Variants in C14orf132 observed in about 807,000 individuals in gnomAD.
C14orf132 encodes chromosome 14 open reading frame 132, also known as uncharacterized protein C14orf132.
In C14orf132, 6 loss-of-function variants were observed where a neutral mutation model predicts 5.8. That is an observed-to-expected ratio of 1.03 (90% CI 0.57 to 2.04). C14orf132 has a LOEUF of 2.04. Ranked by LOEUF, C14orf132 falls within the 30% of genes most tolerant of loss-of-function variation. The probability of loss-of-function intolerance (pLI) is 0.00; values close to 1 mark genes in which losing one functional copy is unlikely to be tolerated. For synonymous variants in C14orf132, 51 were observed against 49.8 expected, an observed-to-expected ratio of 1.02 and a Z score of -0.10; for missense variants, 125 against 115.8, an observed-to-expected ratio of 1.08 and a Z score of -0.37.
chr14:96,057,588 C>T (rs1887219890), intron 1 of C14orf132, among the ~76,000 whole-genome samples: 1 of 152,166 alleles, frequency 6.6e-6, no homozygotes, highest in Non-Finnish European at 1.5e-5. Flanking sequence ...ACCCCAGTGG[C>T]ACACAGGGTG....
chr14:96,077,429 G>C (rs921600515), intron 1 of C14orf132, among the ~76,000 whole-genome samples: 1 of 152,138 alleles, frequency 6.6e-6, no homozygotes, highest in Admixed American at 6.5e-5. Flanking sequence ...TTAAAATGAG[G>C]TCACTAGGAT....
At chr14:96,071,041 T>C (rs1887693504) in intron 1 of C14orf132, among the ~76,000 whole-genome samples, 1 of 152,168 alleles carries the variant, frequency 6.6e-6, no homozygotes, top group Non-Finnish European at 1.5e-5. Flanking sequence ...TCCATTATCA[T>C]GATGCTAATA....
At position 96,093,289 on chromosome 14, in the gene C14orf132, C is replaced by T. The variant is rs1442608391; in HGVS notation, c.*6554C>T. The stretch of plus-strand genomic sequence containing the variant: ...ATGGGAGTGTGGGGCTGAACTTTTC[C>T]CTACCCTTAACTTTGTGTCTCTGGG... On this transcript the variant is annotated 3_prime_UTR_variant, in exon 2 of 2. Coordinates refer to ENST00000555004, the MANE Select transcript of C14orf132 (RefSeq NM_001252507.3). The T allele has an allele frequency of 6.6e-6, 1 of 152,158 alleles. No homozygotes were observed. Among genetic ancestry groups the T allele is most frequent in the Non-Finnish European group, 1.5e-5 (1 of 68,036 alleles). 9.4% of individuals were successfully genotyped at this position (152,158 alleles called of 1,614,324 possible).
chr14:96,074,734 A>G (rs545485937), intron 1 of C14orf132, among the ~76,000 whole-genome samples: 1 of 152,330 alleles, frequency 6.6e-6, no homozygotes, highest in East Asian at 1.9e-4. Context: ...TTAATTGGCC[A>G]TATTATGTGC....
At chr14:96,071,012 C>A (rs141501632) in intron 1 of C14orf132, among the ~76,000 whole-genome samples, 7 of 152,248 alleles carry the variant, frequency 4.6e-5, no homozygotes, top group Non-Finnish European at 1.0e-4. Context: ...GAAGCAACAT[C>A]CAATGAGGTT....
chr14:96,076,329 C>T (rs996435533), intron 1 of C14orf132, among the ~76,000 whole-genome samples: 1 of 152,132 alleles, frequency 6.6e-6, no homozygotes, highest in Non-Finnish European at 1.5e-5. Context: ...CTCAGCCTGG[C>T]GAGAGGTTTA....
At chr14:96,068,000 T>C (rs1887583084) in intron 1 of C14orf132, among the ~76,000 whole-genome samples, 1 of 152,210 alleles carries the variant, frequency 6.6e-6, no homozygotes, top group Admixed American at 6.5e-5. Flanking sequence ...GCCTGTAACG[T>C]GCTCAGCCCA....
At chr14:96,040,231 T>C (rs1275511855) in intron 1 of C14orf132, 1 of 385,980 alleles carries the variant, frequency 2.6e-6, no homozygotes, top group African/African-American at 2.1e-5. Context: ...AGTTCTGAGC[T>C]TGGGTGATGA....
intron 1 of C14orf132, among the ~76,000 whole-genome samples, chr14:96,082,273 A>G (rs972827746): frequency 6.6e-5 from 10 of 152,198 alleles, no homozygotes; most frequent in Admixed American, 5.2e-4. Context: ...CTAAAAGTAG[A>G]CTGGAGCTGG....
At chr14:96,068,037 A>G (rs1391333009) in intron 1 of C14orf132, among the ~76,000 whole-genome samples, 6 of 152,122 alleles carry the variant, frequency 3.9e-5, no homozygotes, top group Non-Finnish European at 8.8e-5. Context: ...GGCTCTCAAT[A>G]AATATTAGCT....
chr14:96,071,288 G>A (rs538235703), intron 1 of C14orf132, among the ~76,000 whole-genome samples: 1 of 152,262 alleles, frequency 6.6e-6, no homozygotes, highest in South Asian at 2.1e-4. Context: ...CAGCATGGGG[G>A]TAACTGCCCC....
chr14:96,064,681 T>C lies in C14orf132; in HGVS notation c.28-21830T>C, dbSNP rs182010204. Among the ~76,000 whole-genome samples, 274 of 151,042 alleles carry C rather than the reference T, an allele frequency of 1.8e-3. 2 individuals carry two copies. Among genetic ancestry groups the C allele is most frequent in the African/African-American group, 6.4e-3 (263 of 41,030 alleles). Reference sequence around the variant, plus strand: ...GGACTTTGAGAACTTGGGGGAAGAGTGGAAGAGGGGGCATAAAAGACTACA... The same window carrying C: ...GGACTTTGAGAACTTGGGGGAAGAGCGGAAGAGGGGGCATAAAAGACTACA... On this transcript the variant is annotated intron_variant, in intron 1 of 1. Coordinates refer to ENST00000555004, the MANE Select transcript of C14orf132 (RefSeq NM_001252507.3).
chr14:96,079,129 A>C (rs1364509389), intron 1 of C14orf132, among the ~76,000 whole-genome samples: 1 of 152,230 alleles, frequency 6.6e-6, no homozygotes, highest in Non-Finnish European at 1.5e-5. Context: ...CTTGGGAGTC[A>C]TGGGGCCAGG....
chr14:96,091,312 C>T lies in C14orf132; in HGVS notation c.*4577C>T. The T allele has an allele frequency of 5.9e-6, 2 of 336,252 alleles. No homozygotes were observed. Among genetic ancestry groups the T allele is most frequent in the South Asian group, 5.0e-5 (2 of 40,162 alleles). The allele number at this position is 336,252 out of a possible 1,614,324, so 20.8% of individuals were successfully genotyped here. A position where few individuals can be genotyped will look rare whatever the true frequency, so the allele number is the denominator to read the frequency against. On this transcript the variant is annotated 3_prime_UTR_variant, in exon 2 of 2. Coordinates refer to ENST00000555004, the MANE Select transcript of C14orf132 (RefSeq NM_001252507.3). ...GTAAGTCCAGGAAAGGGGCAGGCGG[C>T]AGTGCACAGGGATTTATCAGTTCCA...
In C14orf132 at chr14:96,087,753, C is replaced by A. The variant is rs1376641156; in HGVS notation, c.*1018C>A. On this transcript the variant is annotated 3_prime_UTR_variant, in exon 2 of 2. Coordinates refer to ENST00000555004, the MANE Select transcript of C14orf132 (RefSeq NM_001252507.3). The stretch of plus-strand genomic sequence containing the variant: ...GCGAGATTGGCAGGCTGCTCAGATA[C>A]CCGTCCTTTACATTCAGTGTGGATA... 1 of 152,118 alleles carries A rather than the reference C, an allele frequency of 6.6e-6. No individual in the cohort carries two copies. Among genetic ancestry groups the A allele is most frequent in the African/African-American group, 2.4e-5 (1 of 41,416 alleles). 9.4% of individuals were successfully genotyped at this position (152,118 alleles called of 1,614,324 possible).
At chr14:96,047,883 G>A (rs967430414) in intron 1 of C14orf132, among the ~76,000 whole-genome samples, 2 of 152,056 alleles carry the variant, frequency 1.3e-5, no homozygotes, top group East Asian at 1.9e-4. Flanking sequence ...AACCTACGTC[G>A]ACACATCAGA....
intron 1 of C14orf132, among the ~76,000 whole-genome samples, chr14:96,072,485 G>A (rs1046299174): frequency 2.0e-5 from 3 of 152,336 alleles, no homozygotes; most frequent in African/African-American, 7.2e-5. Context: ...TCCTTCCCAG[G>A]TGTGCTTTTG....
At chr14:96,080,457 G>T (rs1044834457) in intron 1 of C14orf132, among the ~76,000 whole-genome samples, 1 of 152,214 alleles carries the variant, frequency 6.6e-6, no homozygotes, top group Non-Finnish European at 1.5e-5. Flanking sequence ...GGGTCTGGTG[G>T]CCCCCGTATC....
chr14:96,091,981 G>A lies in C14orf132; in HGVS notation c.*5246G>A, dbSNP rs1888421749. The stretch of plus-strand genomic sequence containing the variant: ...TTGAGGAAGAGGGAAAGTGACAAAG[G>A]ACAAAACAATGCAAATCTTCATGAC... On this transcript the variant is annotated 3_prime_UTR_variant, in exon 2 of 2. Coordinates refer to ENST00000555004, the MANE Select transcript of C14orf132 (RefSeq NM_001252507.3). The A allele has an allele frequency of 6.6e-6, 1 of 152,164 alleles. No individual in the cohort carries two copies. The highest frequency in any genetic ancestry group is 1.5e-5 in the Non-Finnish European group (1 of 68,034). 9.4% of individuals were successfully genotyped at this position (152,164 alleles called of 1,614,324 possible).
Sources: allele counts gnomAD v4.1 joint callset (sites outside exome capture counted in the v4.1 genomes callset), GRCh38; gene constraint gnomAD v4.1.1; transcripts MANE v1.5; gene names NCBI Gene and HGNC (gene_info 2026-07-23, HGNC 2026-07-21).